Variants in HTR1F observed in about 807,000 individuals in gnomAD.
HTR1F encodes the protein 5-hydroxytryptamine (serotonin) receptor 1F, G protein-coupled.
A neutral mutation model predicts 24.0 loss-of-function variants in HTR1F; 17 were observed. The ratio of observed to expected loss-of-function variants is 0.71; its 90% CI spans 0.48 to 1.06. The LOEUF is 1.06. Among genes scored for constraint, HTR1F ranks in the 50% least tolerant of loss-of-function variants. The probability of loss-of-function intolerance (pLI) is 0.00; values close to 1 mark genes in which losing one functional copy is unlikely to be tolerated. For synonymous variants in HTR1F, 186 were observed against 156.8 expected, an observed-to-expected ratio of 1.19 and a Z score of -1.39; for missense variants, 391 against 427.8, an observed-to-expected ratio of 0.91 and a Z score of 0.76.
chr3:87,859,659 G>C (rs1705275104), intron 2 of HTR1F, among the ~76,000 whole-genome samples: 1 of 152,216 alleles, frequency 6.6e-6, no homozygotes. Flanking sequence ...AGAAGCATGA[G>C]GTTTCCTAGG....
chr3:87,843,452 C>A (rs1464545404), intron 2 of HTR1F, among the ~76,000 whole-genome samples: 1 of 150,582 alleles, frequency 6.6e-6, no homozygotes, highest in Admixed American at 6.6e-5. Flanking sequence ...ACATAAATTT[C>A]TTGCCATAGA....
chr3:87,817,934 T>G (rs1393503956), intron 1 of HTR1F, among the ~76,000 whole-genome samples: 1 of 152,164 alleles, frequency 6.6e-6, no homozygotes, highest in Non-Finnish European at 1.5e-5. Context: ...TCATCAAAGA[T>G]GGAATTGACA....
chr3:87,945,603 C>G (rs1479012693), intron 2 of HTR1F, among the ~76,000 whole-genome samples: 4 of 152,106 alleles, frequency 2.6e-5, no homozygotes, highest in Non-Finnish European at 4.4e-5. Flanking sequence ...ATCGGCTTCC[C>G]CAAGAAAATT....
chr3:87,859,463 A>T (rs1462608126), intron 2 of HTR1F, among the ~76,000 whole-genome samples: 1 of 152,208 alleles, frequency 6.6e-6, no homozygotes, highest in Non-Finnish European at 1.5e-5. Context: ...ACCACAAAAC[A>T]GTAGCAAATT....
At chr3:87,902,602 T>TTTA (rs1706351194) in intron 2 of HTR1F, among the ~76,000 whole-genome samples, 2 of 152,070 alleles carry the variant, frequency 1.3e-5, no homozygotes, top group Admixed American at 6.6e-5. Context: ...TTTTTTTTAT[T>TTTA]TTATCATTAT....
chr3:87,964,801 C>T (rs1403891383), intron 2 of HTR1F, among the ~76,000 whole-genome samples: 2 of 152,142 alleles, frequency 1.3e-5, no homozygotes, highest in African/African-American at 4.8e-5. Flanking sequence ...TATGATATGG[C>T]TGTATCCTTA....
chr3:87,990,073 T>C (rs1157908221), intron 2 of HTR1F, among the ~76,000 whole-genome samples: 2 of 152,206 alleles, frequency 1.3e-5, no homozygotes, highest in East Asian at 3.8e-4. Flanking sequence ...TCTTGTCTCC[T>C]GCTAAATCGT....
chr3:87,934,761 C>T (rs1183268381), intron 2 of HTR1F, among the ~76,000 whole-genome samples: 1 of 152,180 alleles, frequency 6.6e-6, no homozygotes, highest in East Asian at 1.9e-4. Flanking sequence ...GTAATCTTCA[C>T]ATCACCCCCA....
At chr3:87,904,381 T>C (rs1703610710) in intron 2 of HTR1F, among the ~76,000 whole-genome samples, 1 of 152,076 alleles carries the variant, frequency 6.6e-6, no homozygotes, top group African/African-American at 2.4e-5. Context: ...ATTTACTTAA[T>C]AGAAATGTGT....
chr3:87,854,710 TA>T (rs1322934619), intron 2 of HTR1F, among the ~76,000 whole-genome samples: 3 of 152,054 alleles, frequency 2.0e-5, no homozygotes, highest in Non-Finnish European at 4.4e-5. Flanking sequence ...TCAGAAAACA[TA>T]AAAATTTATT....
intron 2 of HTR1F, among the ~76,000 whole-genome samples, chr3:87,938,127 A>G (rs1239070305): frequency 6.6e-6 from 1 of 152,000 alleles, no homozygotes; most frequent in Admixed American, 6.6e-5. Context: ...AAAGTAACTA[A>G]CATTCCTATA....
At chr3:87,982,230 AATATTTTTAAATATCGAG>A (rs1312899541) in intron 2 of HTR1F, among the ~76,000 whole-genome samples, 22 of 152,244 alleles carry the variant, frequency 1.4e-4, no homozygotes, top group Admixed American at 5.2e-4. Context: ...GCCCTTTCTA[AATATTTTTAAATATCGAG>A]ATATTTTTAA....
At chr3:87,947,317 T>A (rs9310058) in intron 2 of HTR1F, among the ~76,000 whole-genome samples, 40,537 of 151,994 alleles carry the variant, frequency 0.27, 5,840 homozygotes, top group African/African-American at 0.38. Flanking sequence ...AAAAAAGTGG[T>A]TTGGACAGAT....
At chr3:87,948,362 T>C (rs1322468850) in intron 2 of HTR1F, among the ~76,000 whole-genome samples, 4 of 152,236 alleles carry the variant, frequency 2.6e-5, no homozygotes, top group Admixed American at 2.6e-4. Flanking sequence ...TTTTATTGTA[T>C]CTAAAAATGT....
intron 2 of HTR1F, among the ~76,000 whole-genome samples, chr3:87,858,515 G>A (rs1285617572): frequency 1.3e-5 from 2 of 152,124 alleles, no homozygotes; most frequent in Non-Finnish European, 2.9e-5. Flanking sequence ...CTAATCCCAT[G>A]TCCAACATGA....
At chr3:87,889,628 A>C (rs1706035152) in intron 2 of HTR1F, among the ~76,000 whole-genome samples, 1 of 152,192 alleles carries the variant, frequency 6.6e-6, no homozygotes, top group South Asian at 2.1e-4. Context: ...AGATCCTTTG[A>C]AAACAAGGCC....
In HTR1F at chr3:87,989,238, G is replaced by A. The variant is rs376140729; in HGVS notation, c.-42-1470G>A. On this transcript the variant is annotated intron_variant, in intron 2 of 2. Coordinates refer to ENST00000319595, the MANE Select transcript of HTR1F (RefSeq NM_001322209.2). ...TAATGGACTAAAGCAAAACTTATAAGCCATGAATGGAGAGTCCTTTTTCAG... is the reference window on the plus strand; with the variant it reads ...TAATGGACTAAAGCAAAACTTATAAACCATGAATGGAGAGTCCTTTTTCAG... Among the ~76,000 whole-genome samples the A allele has an allele frequency of 2.6e-5, 4 of 152,104 alleles. No homozygotes were observed. The East Asian group carries it at 5.8e-4, about 22-fold the overall frequency.
At chr3:87,932,427 A>G (rs1704301599) in intron 2 of HTR1F, among the ~76,000 whole-genome samples, 1 of 152,140 alleles carries the variant, frequency 6.6e-6, no homozygotes, top group African/African-American at 2.4e-5. Context: ...TACCAGTACC[A>G]TGCTGTTTGG....
intron 2 of HTR1F, among the ~76,000 whole-genome samples, chr3:87,984,886 A>C (rs1159974785): frequency 6.6e-6 from 1 of 152,238 alleles, no homozygotes; most frequent in Non-Finnish European, 1.5e-5. Flanking sequence ...TTGAAAAGGC[A>C]GTAAAAAAAT....
Sources: gnomAD v4.1 joint callset for allele counts (sites outside exome capture counted in the v4.1 genomes callset) on GRCh38, gnomAD v4.1.1 for gene constraint, MANE v1.5 for transcripts, NCBI Gene and HGNC (gene_info 2026-07-23, HGNC 2026-07-21) for gene names.